GBF1: variants seen among roughly 807,000 people sequenced by gnomAD.
GBF1 encodes the protein Golgi-specific brefeldin A-resistance guanine nucleotide exchange factor 1.
Under a neutral mutation model 210.5 loss-of-function variants are expected in GBF1, and 114 were observed. The observed-to-expected ratio is 0.54, with a 90% CI of 0.47 to 0.63. The LOEUF (loss-of-function observed/expected upper bound fraction) is 0.63. Ranked by LOEUF, GBF1 falls within the 30% of genes least tolerant of loss-of-function variation. GBF1 has a pLI of 0.00. For missense variants in GBF1, 1,851 were observed against 2,357.7 expected (o/e 0.79, Z 4.45); for synonymous variants, 850 against 889.2 (o/e 0.96, Z 0.78).
At chr10:102,358,227 G>A (rs1372701082) in intron 9 of GBF1, 41 bp downstream of exon 9, 1 of 1,560,868 alleles carries the variant, frequency 6.4e-7, no homozygotes, top group Non-Finnish European at 8.8e-7. Context: ...GACAAAAGAA[G>A]AGCTCCTTTC....
Position 102,361,116 on chromosome 10 carries a change from T to A in GBF1, c.1487T>A (p.Met496Lys). 6.5e-7 allele frequency: 1 copy of A among 1,534,286 alleles called. No individual in the cohort carries two copies. Among genetic ancestry groups the A allele is most frequent in the Admixed American group, 1.7e-5 (1 of 59,870 alleles). Reference protein sequence around the residue: ...ESMREHLKFQMEMYIKKLMEI... With the variant: ...ESMREHLKFQKEMYIKKLMEI... ...ATGCGAGAGCACCTCAAGTTCCAAA[T>A]GGAGGTGAGTTTCTTGATGTGGAAA... The change falls in exon 13 of 40, where the codon ATG becomes AAG. Residue 496 changes from methionine to lysine, a missense_variant. Physicochemically the swap from Met to Lys is moderately conservative, Grantham distance 95. This residue lies in a region of GBF1 where 804 missense variants were observed against 958.6 expected (regional missense o/e 0.84). Coordinates refer to ENST00000369983, the MANE Select transcript of GBF1 (RefSeq NM_001377137.1).
In GBF1 at chr10:102,362,625, A is replaced by C. The variant is rs775698031; in HGVS notation, c.1837A>C (p.Ser613Arg). The C allele has an allele frequency of 2.5e-6, 4 of 1,614,208 alleles. No homozygotes were observed. The highest frequency in any genetic ancestry group is 3.4e-6 in the Non-Finnish European group (4 of 1,180,024). Residue 613 changes from serine (S) to arginine (R), a missense_variant, in exon 15 of 40, where the codon AGC (serine) becomes CGC (arginine). Ser to Arg is a moderately radical substitution (Grantham distance 110). Transcript: ENST00000369983. ...AGAGAAGAAGGAGACAGCCAGACCA[A>C]GCTGTGAGATAGTAGATGGCACCCG... ...QQEKKETARP[S>R]CEIVDGTREA...
intron 3 of GBF1, among the ~76,000 whole-genome samples, chr10:102,325,072 A>G (rs1029378823): frequency 3.9e-5 from 6 of 152,214 alleles, no homozygotes; most frequent in Admixed American, 2.6e-4. Context: ...TTCTGAGGCT[A>G]TCTACTCTTC....
At chr10:102,367,990 A>G (rs2060001343) in intron 21 of GBF1, among the ~76,000 whole-genome samples, 1 of 152,176 alleles carries the variant, frequency 6.6e-6, no homozygotes, top group South Asian at 2.1e-4. Flanking sequence ...AGAATGTGTG[A>G]TCTTACTATA....
At chr10:102,253,156 A>G (rs1371434470) in intron 1 of GBF1, among the ~76,000 whole-genome samples, 3 of 152,140 alleles carry the variant, frequency 2.0e-5, no homozygotes, top group Non-Finnish European at 4.4e-5. Context: ...TGGCCTCCCA[A>G]AGTGCTGGGA....
chr10:102,343,788 ACT>A (rs995688697), intron 3 of GBF1, among the ~76,000 whole-genome samples: 9 of 127,768 alleles, frequency 7.0e-5, no homozygotes, highest in African/African-American at 2.5e-4. Context: ...CCAAAGCAGG[ACT>A]CTGTCTGACA....
At chr10:102,240,741 A>G (rs1257286446), upstream of GBF1, among the ~76,000 whole-genome samples, 1 of 152,230 alleles carries the variant, frequency 6.6e-6, no homozygotes, top group Non-Finnish European at 1.5e-5. Context: ...CAGATCCACT[A>G]TACCCGCCGC....
intron 3 of GBF1, among the ~76,000 whole-genome samples, chr10:102,288,722 GAA>G (rs1348947076): frequency 1.2e-5 from 1 of 83,688 alleles, no homozygotes; most frequent in African/African-American, 5.2e-5. Context: ...CGTCTCAAAG[GAA>G]AAAAAAAAAA....
intron 3 of GBF1, among the ~76,000 whole-genome samples, chr10:102,280,328 G>C (rs1263505948): frequency 6.6e-6 from 1 of 152,060 alleles, no homozygotes; most frequent in Non-Finnish European, 1.5e-5. Context: ...CCAGTGTGTG[G>C]GTTTTCCCCT....
the GBF1 span, chr10:102,231,536 G>C: frequency 7.9e-7 from 1 of 1,260,848 alleles, no homozygotes; most frequent in Non-Finnish European, 1.1e-6. Flanking sequence ...CGGGTCGCAG[G>C]CTGAGCGCGG....
intron 3 of GBF1, among the ~76,000 whole-genome samples, chr10:102,272,610 C>G (rs1465581208): frequency 6.6e-6 from 1 of 152,212 alleles, no homozygotes. Flanking sequence ...TTTTATTTCA[C>G]TGGTCACAGA....
chr10:102,371,615 A>G (rs1341128011), intron 29 of GBF1, among the ~76,000 whole-genome samples: 1 of 152,212 alleles, frequency 6.6e-6, no homozygotes, highest in Non-Finnish European at 1.5e-5. Flanking sequence ...GAATAGCTAG[A>G]AAGAATAAAG....
chr10:102,232,108 G>T, the GBF1 span: 4 of 1,417,950 alleles, frequency 2.8e-6, no homozygotes, highest in African/African-American at 1.4e-5. Flanking sequence ...GGCGAGAGAA[G>T]ACACAGACCA....
the GBF1 span, chr10:102,231,834 C>A: frequency 1.3e-6 from 2 of 1,591,330 alleles, no homozygotes; most frequent in Admixed American, 1.7e-5. Flanking sequence ...CCCAAGCCAG[C>A]GCATATTCTC....
intron 3 of GBF1, among the ~76,000 whole-genome samples, chr10:102,265,617 C>T (rs1411284345): frequency 2.6e-5 from 4 of 152,022 alleles, no homozygotes; most frequent in Admixed American, 6.6e-5. Flanking sequence ...CCCAGGAGTT[C>T]GAGGTTACAG....
chr10:102,379,778 C>T, intron 35 of GBF1, 75 bp from the exon 36 acceptor site: 1 of 1,468,506 alleles, frequency 6.8e-7, no homozygotes, highest in Non-Finnish European at 9.5e-7. Flanking sequence ...TATGCCCATC[C>T]AGTTCCTGGC....
chr10:102,341,708 GC>G (rs767135127), intron 3 of GBF1, among the ~76,000 whole-genome samples: 4 of 152,140 alleles, frequency 2.6e-5, no homozygotes, highest in Non-Finnish European at 5.9e-5. Flanking sequence ...AAAATTACAT[GC>G]TGTATAAATC....
At chr10:102,315,528 A>G (rs1381495544) in intron 3 of GBF1, among the ~76,000 whole-genome samples, 2 of 152,140 alleles carry the variant, frequency 1.3e-5, no homozygotes, top group Non-Finnish European at 2.9e-5. Flanking sequence ...CTGGAGGGCA[A>G]GGGAGGTGTT....
At chr10:102,284,232 T>G (rs1247691641) in intron 3 of GBF1, among the ~76,000 whole-genome samples, 1 of 152,126 alleles carries the variant, frequency 6.6e-6, no homozygotes, top group East Asian at 1.9e-4. Flanking sequence ...GATAAGAGGA[T>G]CTTTACTTGT....
Sources: allele counts gnomAD v4.1 joint callset (sites outside exome capture counted in the v4.1 genomes callset), GRCh38; gene constraint gnomAD v4.1.1; regional missense constraint gnomAD v4.1.1; transcripts MANE v1.5; gene names NCBI Gene and HGNC (gene_info 2026-07-23, HGNC 2026-07-21).